FHIT: variants seen among roughly 807,000 people sequenced by gnomAD.
FHIT encodes fragile histidine triad diadenosine triphosphatase.
FHIT carries 19 observed loss-of-function variants against 17.9 expected under a neutral mutation model. The ratio of observed to expected loss-of-function variants is 1.06; its 90% CI spans 0.74 to 1.56. The LOEUF (loss-of-function observed/expected upper bound fraction) is 1.56. Among genes scored for constraint, FHIT ranks in the 40% most tolerant of loss-of-function variants. The pLI is 0.00. For missense variants in FHIT, 248 were observed against 189.2 expected, an observed-to-expected ratio of 1.31 and a Z score of -1.82; for synonymous variants, 81 against 69.7, an observed-to-expected ratio of 1.16 and a Z score of -0.81.
At chr3:59,805,223 C>T (rs1327511494) in intron 8 of FHIT, among the ~76,000 whole-genome samples, 1 of 152,078 alleles carries the variant, frequency 6.6e-6, no homozygotes, top group Non-Finnish European at 1.5e-5. Flanking sequence ...AAGCCCAGGA[C>T]CAGGTGTTGG....
At chr3:61,144,822 G>A (rs1165020346) in intron 2 of FHIT, among the ~76,000 whole-genome samples, 1 of 152,098 alleles carries the variant, frequency 6.6e-6, no homozygotes, top group African/African-American at 2.4e-5. Context: ...ATCTCTTCGT[G>A]TGCTATTAAC....
At chr3:60,470,541 G>A (rs1304913001) in intron 5 of FHIT, among the ~76,000 whole-genome samples, 2 of 151,876 alleles carry the variant, frequency 1.3e-5, no homozygotes, top group African/African-American at 2.4e-5. Flanking sequence ...ATTCACTCGA[G>A]GTCCAAGGGC....
intron 5 of FHIT, among the ~76,000 whole-genome samples, chr3:60,399,461 G>A (rs242214): frequency 0.055 from 8,385 of 152,076 alleles, 400 homozygotes; most frequent in African/African-American, 0.13. Flanking sequence ...CTTGGGAAGC[G>A]GACTGCAATC....
intron 8 of FHIT, among the ~76,000 whole-genome samples, chr3:59,910,242 C>CT (rs1704804345): frequency 6.6e-6 from 1 of 152,176 alleles, no homozygotes; most frequent in Admixed American, 6.5e-5. Flanking sequence ...CAAGAAGACT[C>CT]TAAGTGGGGA....
chr3:60,481,960 A>G (rs2033628208), intron 5 of FHIT, among the ~76,000 whole-genome samples: 1 of 152,218 alleles, frequency 6.6e-6, no homozygotes, highest in Non-Finnish European at 1.5e-5. Context: ...AAATAGACTC[A>G]AAATAAAGGA....
At chr3:60,940,121 A>G (rs1708345881) in intron 3 of FHIT, among the ~76,000 whole-genome samples, 1 of 152,180 alleles carries the variant, frequency 6.6e-6, no homozygotes, top group Non-Finnish European at 1.5e-5. Flanking sequence ...AGCCATTTAA[A>G]AGAATTTCTA....
chr3:60,920,382 T>C (rs1265709266), intron 3 of FHIT, among the ~76,000 whole-genome samples: 1 of 152,288 alleles, frequency 6.6e-6, no homozygotes, highest in East Asian at 1.9e-4. Flanking sequence ...AAACATCCCA[T>C]ATTATTCAAC....
At chr3:60,173,915 A>ATATTTTTT in intron 5 of FHIT, among the ~76,000 whole-genome samples, 10 of 66,444 alleles carry the variant, frequency 1.5e-4, no homozygotes, top group Non-Finnish European at 2.8e-4. Context: ...ATATATATAT[A>ATATTTTTT]TGTTTTTTTT....
chr3:59,967,083 C>G (rs1213411850), intron 7 of FHIT, among the ~76,000 whole-genome samples: 1 of 151,902 alleles, frequency 6.6e-6, no homozygotes, highest in Non-Finnish European at 1.5e-5. Flanking sequence ...TAGTCTAGGT[C>G]TACACAAGGT....
chr3:60,508,378 G>A (rs1201482106), intron 5 of FHIT, among the ~76,000 whole-genome samples: 1 of 152,006 alleles, frequency 6.6e-6, no homozygotes, highest in Non-Finnish European at 1.5e-5. Context: ...TTATCAATTA[G>A]GTTTGACTAC....
chr3:60,365,144 GTATA>G (rs1253946612), intron 5 of FHIT, among the ~76,000 whole-genome samples: 1 of 148,518 alleles, frequency 6.7e-6, no homozygotes, highest in African/African-American at 2.5e-5. Context: ...TATATATACA[GTATA>G]TATTATATAT....
chr3:59,782,227 T>G (rs1334999396), intron 8 of FHIT, among the ~76,000 whole-genome samples: 2 of 152,202 alleles, frequency 1.3e-5, no homozygotes, highest in African/African-American at 4.8e-5. Flanking sequence ...GTGCTAGGAT[T>G]ACAGTCATGA....
chr3:59,996,743 T>C (rs1398559449), intron 7 of FHIT, among the ~76,000 whole-genome samples: 1 of 152,094 alleles, frequency 6.6e-6, no homozygotes, highest in Non-Finnish European at 1.5e-5. Context: ...AGCACCCACA[T>C]AGATCATTAC....
intron 5 of FHIT, among the ~76,000 whole-genome samples, chr3:60,290,454 G>A (rs1014356563): frequency 1.3e-5 from 2 of 151,930 alleles, no homozygotes; most frequent in South Asian, 2.1e-4. Context: ...GACCTATGGA[G>A]AGCCTCATGT....
chr3:60,975,408 C>G (rs2107538904), intron 3 of FHIT, among the ~76,000 whole-genome samples: 1 of 152,238 alleles, frequency 6.6e-6, no homozygotes, highest in Admixed American at 6.5e-5. Context: ...AAAATATGCC[C>G]AGTTAATGTA....
chr3:60,332,910 C>G (rs1232956293), intron 5 of FHIT, among the ~76,000 whole-genome samples: 3 of 152,204 alleles, frequency 2.0e-5, no homozygotes, highest in Non-Finnish European at 4.4e-5. Context: ...GACATTGTGT[C>G]TGCTCCTAGA....
intron 3 of FHIT, among the ~76,000 whole-genome samples, chr3:60,946,635 G>C (rs781922074): frequency 6.6e-6 from 1 of 152,140 alleles, no homozygotes; most frequent in Admixed American, 6.5e-5. Flanking sequence ...AAATACAGAG[G>C]AGTAGGCTGT....
intron 5 of FHIT, among the ~76,000 whole-genome samples, chr3:60,424,014 T>C (rs150442386): frequency 1.3e-5 from 2 of 152,318 alleles, no homozygotes; most frequent in African/African-American, 4.8e-5. Flanking sequence ...CTACAGTAAC[T>C]ATAGTGATAA....
intron 4 of FHIT, among the ~76,000 whole-genome samples, chr3:60,752,364 G>A (rs1222519729): frequency 6.6e-6 from 1 of 152,150 alleles, no homozygotes; most frequent in Non-Finnish European, 1.5e-5. Flanking sequence ...ATTCCAGAAA[G>A]GGGAGAATCA....
Sources: allele counts gnomAD v4.1 joint callset (sites outside exome capture counted in the v4.1 genomes callset), GRCh38; gene constraint gnomAD v4.1.1; transcripts MANE v1.5; gene names NCBI Gene and HGNC (gene_info 2026-07-23, HGNC 2026-07-21).